KRT19: variants seen among roughly 807,000 people sequenced by gnomAD.
KRT19 encodes keratin 19.
Under a neutral mutation model 34.6 loss-of-function variants are expected in KRT19, and 21 were observed. The observed-to-expected ratio is 0.61, with a 90% CI of 0.43 to 0.87. KRT19 has a LOEUF of 0.87. Among genes scored for constraint, KRT19 ranks in the 40% least tolerant of loss-of-function variants. The pLI is 0.00. For missense variants in KRT19, 514 were observed against 545.7 expected (o/e 0.94, Z 0.58); for synonymous variants, 240 against 245.8 (o/e 0.98, Z 0.22).
Position 41,528,018 on chromosome 17 carries a change from G to T in KRT19, c.230C>A (p.Ala77Glu). The T allele has an allele frequency of 1.2e-6, 2 of 1,612,828 alleles. No homozygotes were observed. Among genetic ancestry groups the T allele is most frequent in the Non-Finnish European group, 1.7e-6 (2 of 1,179,714 alleles). ...CTGCATGGTTAGCTTCTCGTTGCCC[G>T]CCAGCAGCCCGTCGGACGCGGTCAG... is the stretch of plus-strand genomic sequence containing the variant. ...GVLTASDGLLAGNEKLTMQNL... is the reference protein window; with the variant it reads ...GVLTASDGLLEGNEKLTMQNL... Residue 77 changes from alanine (A) to glutamate (E), a missense_variant, in exon 1 of 6, where the codon GCG (alanine) becomes GAG (glutamate). Transcript: ENST00000361566.
At position 41,524,865 on chromosome 17, in the gene KRT19, T is replaced by C; in HGVS notation, c.638A>G (p.Tyr213Cys). 6.2e-7 allele frequency: 1 copy of C among 1,614,016 alleles called. No individual in the cohort carries two copies. Among genetic ancestry groups the C allele is most frequent in the Non-Finnish European group, 8.5e-7 (1 of 1,179,956 alleles). The change falls in exon 3 of 6, where the codon TAC becomes TGC. Residue 213 changes from tyrosine to cysteine, a missense_variant. By Grantham distance (194) the Tyr-to-Cys change is radical. Transcript: ENST00000361566. ...CACCTCCTCATGGTTCTTCTTCAGG[T>C]AGGCCAGCTCTTCCTTCAGGCCTTC... ...QIEGLKEELA[Y>C]LKKNHEEEIS... is the part of the protein sequence containing the mutation.
At chr17:41,526,128 C>T (rs769291019) in intron 1 of KRT19, among the ~76,000 whole-genome samples, 9 of 151,998 alleles carry the variant, frequency 5.9e-5, no homozygotes, top group Non-Finnish European at 1.2e-4. Flanking sequence ...CCCTCCACCA[C>T]GCCCAGCTAA....
rs1285428811 is a variant in KRT19, at chr17:41,524,239, G to T, written c.852C>A (p.Gly284=). ...TGCTCATCTGGAGCTGCTCCGTGTG[G>T]CCAGCGACCTCCCGGTTCAATTCTT... ...RTEELNREVA[G]HTEQLQMSRS... is the part of the protein sequence containing the mutation. Residue 284 remains glycine (G), a synonymous_variant, in exon 5 of 6, where the codon GGC becomes GGA. Coordinates refer to ENST00000361566, the MANE Select transcript of KRT19 (RefSeq NM_002276.5). 7 of 1,613,970 alleles carry T rather than the reference G, an allele frequency of 4.3e-6. No homozygotes were observed. The highest frequency in any genetic ancestry group is 1.6e-4 in the Middle Eastern group (1 of 6,082).
intron 1 of KRT19, among the ~76,000 whole-genome samples, chr17:41,526,589 T>TTTG (rs1555567813): frequency 6.8e-6 from 1 of 146,518 alleles, no homozygotes; most frequent in African/African-American, 2.5e-5. Flanking sequence ...TTTTTTTTTT[T>TTTG]GAGACGGACT....
At chr17:41,527,095 G>A (rs1175406964) in intron 1 of KRT19, among the ~76,000 whole-genome samples, 2 of 151,958 alleles carry the variant, frequency 1.3e-5, no homozygotes, top group African/African-American at 2.4e-5. Context: ...CCTTCCCTCT[G>A]GGTGGAGACC....
In KRT19 at chr17:41,524,842, C is replaced by T. The variant is rs757962270; in HGVS notation, c.660+1G>A. 1.7e-5 allele frequency: 28 copies of T among 1,613,546 alleles called. No homozygotes were observed. Among genetic ancestry groups the T allele is most frequent in the Non-Finnish European group, 2.3e-5 (27 of 1,179,962 alleles). ...GAAGAAAGGCCCAGCTTCAAACCCA[C>T]CTCCTCATGGTTCTTCTTCAGGTAG... On this transcript the variant is annotated splice_donor_variant, in intron 3 of 5. Transcript: ENST00000361566. LOFTEE classifies it high-confidence loss of function.
Position 41,523,779 on chromosome 17 carries a change from A to T in KRT19, c.1167T>A (p.Asp389Glu), listed in dbSNP as rs1317387396. 3 of 1,613,816 alleles carry T rather than the reference A, an allele frequency of 1.9e-6. No individual in the cohort carries two copies. Among genetic ancestry groups the T allele is most frequent in the Admixed American group, 1.7e-5 (1 of 60,018 alleles). The part of the protein sequence containing the change: ...TYRSLLEGQE[D>E]HYNNLSASKV... Reference sequence around the variant, plus strand: ...TGGAGGCAGACAAATTGTTGTAGTGATCTTCCTGTCCCTCGAGCAGGCTGC... The same window carrying T: ...TGGAGGCAGACAAATTGTTGTAGTGTTCTTCCTGTCCCTCGAGCAGGCTGC... The change falls in exon 6 of 6, where the codon GAT (aspartate) becomes GAA (glutamate). Residue 389 changes from aspartate to glutamate, a missense_variant. Coordinates refer to ENST00000361566, the MANE Select transcript of KRT19 (RefSeq NM_002276.5).
In KRT19 at chr17:41,525,059, T is replaced by C; in HGVS notation, c.504-60A>G. ...TCCTCAGCATCTCTGAAGACTTCCC[T>C]ACCTCCCCAGAGTTCAGGAGTCCAT... On this transcript the variant is annotated intron_variant, in intron 2 of 5. Transcript: ENST00000361566. 7 of 1,599,312 alleles carry C rather than the reference T, an allele frequency of 4.4e-6. 1 individual carries two copies. The South Asian group carries it at 7.7e-5, about 18-fold the overall frequency.
intron 1 of KRT19, 71 bp from the exon 2 acceptor site, chr17:41,525,344 G>A: frequency 8.9e-7 from 1 of 1,122,406 alleles, no homozygotes; most frequent in Non-Finnish European, 1.4e-6. Context: ...CTTCCCAGAA[G>A]AGAGAGGGGA....
Position 41,524,446 on chromosome 17 carries a change from A to T in KRT19, c.755T>A (p.Met252Lys), listed in dbSNP as rs775745870. Residue 252 changes from methionine to lysine, a missense_variant, in exon 4 of 6, where the codon ATG (methionine) becomes AAG (lysine). By Grantham distance (95) the Met-to-Lys change is moderately conservative. Transcript: ENST00000361566. ...GTDLAKILSD[M>K]RSQYEVMAEQ... ...GGCCATGACCTCATATTGGCTTCGC[A>T]TGTCACTCAGGATCTTGGCGAGATC... The T allele has an allele frequency of 1.2e-5, 19 of 1,614,014 alleles. No individual in the cohort carries two copies. Among genetic ancestry groups the T allele is most frequent in the Non-Finnish European group, 1.5e-5 (18 of 1,180,020 alleles).
At chr17:41,525,630 T>C (rs113256846) in intron 1 of KRT19, 3,165 of 243,382 alleles carry the variant, frequency 0.013, 43 homozygotes, top group African/African-American at 0.045. Flanking sequence ...CCCCCCACTA[T>C]GCGAAGCATA....
intron 1 of KRT19, among the ~76,000 whole-genome samples, chr17:41,526,078 T>C (rs1905851392): frequency 6.6e-6 from 1 of 151,722 alleles, no homozygotes; most frequent in African/African-American, 2.4e-5. Context: ...TTCACGCCAT[T>C]CTCCTGCCTC....
chr17:41,524,745 G>A, intron 3 of KRT19, 98 bp downstream of exon 3: 2 of 1,405,074 alleles, frequency 1.4e-6, no homozygotes, highest in Non-Finnish European at 2.0e-6. Context: ...TGGTGAGGGT[G>A]CACCAAGTGT....
At position 41,528,280 on chromosome 17, in the gene KRT19, T is replaced by C. The variant is rs1363559943; in HGVS notation, c.-33A>G. On this transcript the variant is annotated 5_prime_UTR_variant, in exon 1 of 6. Transcript: ENST00000361566. ...CGGAGCACGGACGGAGCAACCCTGG[T>C]CTCAGAAGCTGCGATTCGCGGGAGG... 2.7e-6 allele frequency: 4 copies of C among 1,496,788 alleles called. No homozygotes were observed. Among genetic ancestry groups the C allele is most frequent in the Non-Finnish European group, 3.5e-6 (4 of 1,134,162 alleles). 92.7% of individuals were successfully genotyped at this position (1,496,788 alleles called of 1,614,324 possible). A position where few individuals can be genotyped will look rare whatever the true frequency, so the allele number is the denominator to read the frequency against.
At chr17:41,524,770 A>G in intron 3 of KRT19, 73 bp downstream of exon 3, 1 of 1,539,476 alleles carries the variant, frequency 6.5e-7, no homozygotes, top group Non-Finnish European at 9.0e-7. Flanking sequence ...ACGGTCAGAG[A>G]ATACAGAATA....
In KRT19 at chr17:41,523,705, C is replaced by G; in HGVS notation, c.*38G>C. On this transcript the variant is annotated 3_prime_UTR_variant, in exon 6 of 6. Transcript: ENST00000361566. Reference sequence around the variant, plus strand: ...TTCCCATCCCTCTACCCAGAAGACACCCTCCAAAGGACAGCAGAAGCCCCA... The same window carrying G: ...TTCCCATCCCTCTACCCAGAAGACAGCCTCCAAAGGACAGCAGAAGCCCCA... 3 of 1,603,800 alleles carry G rather than the reference C, an allele frequency of 1.9e-6. No homozygotes were observed. The South Asian group carries it at 3.3e-5, about 18-fold the overall frequency.
At chr17:41,525,727 C>T (rs1053749212) in intron 1 of KRT19, 1 of 183,180 alleles carries the variant, frequency 5.5e-6, no homozygotes, top group Admixed American at 5.5e-5. Flanking sequence ...GCTTCTGGAA[C>T]CTCACTGCTA....
At chr17:41,527,296 G>A (rs1905901387) in intron 1 of KRT19, among the ~76,000 whole-genome samples, 1 of 152,244 alleles carries the variant, frequency 6.6e-6, no homozygotes, top group Non-Finnish European at 1.5e-5. Flanking sequence ...GCCCCAGGGC[G>A]GGAGAGTGGG....
At position 41,524,896 on chromosome 17, in the gene KRT19, G is replaced by A. The variant is rs1312718809; in HGVS notation, c.607C>T (p.Gln203Ter). 3 of 1,614,226 alleles carry A rather than the reference G, an allele frequency of 1.9e-6. No homozygotes were observed. The highest frequency in any genetic ancestry group is 1.7e-6 in the Non-Finnish European group (2 of 1,180,042). ...AGCTCTTCCTTCAGGCCTTCGATCT[G>A]CATCTCCAGGTCGGTCCTGGCCAGG... ...LTLARTDLEM[Q>*]IEGLKEELAY... is the part of the protein sequence containing the mutation. Residue 203 changes from glutamine to a stop codon, truncating the protein, a stop_gained, in exon 3 of 6, where the codon CAG (glutamine) becomes TAG (stop). Transcript: ENST00000361566. LOFTEE classifies it high-confidence loss of function.
Sources: allele counts gnomAD v4.1 joint callset (sites outside exome capture counted in the v4.1 genomes callset), GRCh38; gene constraint gnomAD v4.1.1; transcripts MANE v1.5; gene names NCBI Gene and HGNC (gene_info 2026-07-23, HGNC 2026-07-21).